Variants in NAALADL2 observed in about 807,000 individuals in gnomAD.
NAALADL2 encodes inactive N-acetylated-alpha-linked acidic dipeptidase-like protein 2.
A neutral mutation model predicts 87.2 loss-of-function variants in NAALADL2; 76 were observed. That is an observed-to-expected ratio of 0.87 (90% CI 0.72 to 1.05). The LOEUF is 1.05. Ranked by LOEUF, NAALADL2 falls within the 50% of genes least tolerant of loss-of-function variation. NAALADL2 has a pLI of 0.00. For synonymous variants in NAALADL2, 354 were observed against 331.0 expected (o/e 1.07, Z -0.75); for missense variants, 1,089 against 945.8 (o/e 1.15, Z -1.99).
chr3:175,243,834 T>C (rs1457069867), intron 3 of NAALADL2, among the ~76,000 whole-genome samples: 1 of 152,156 alleles, frequency 6.6e-6, no homozygotes, highest in Non-Finnish European at 1.5e-5. Flanking sequence ...AATGGGAAGA[T>C]AAAGTTACCT....
chr3:175,049,248 T>C (rs1381929514), intron 1 of NAALADL2, among the ~76,000 whole-genome samples: 8 of 152,134 alleles, frequency 5.3e-5, no homozygotes, highest in African/African-American at 1.9e-4. Flanking sequence ...AGCATGGATA[T>C]GCTAGACCAA....
At chr3:174,561,219 T>G (rs1277871318) in intron 2 of NAALADL2, among the ~76,000 whole-genome samples, 1 of 110,662 alleles carries the variant, frequency 9.0e-6, no homozygotes, top group East Asian at 3.3e-4. Context: ...TTTTTTTTTT[T>G]GGAAAGAGTC....
intron 1 of NAALADL2, among the ~76,000 whole-genome samples, chr3:174,458,362 A>G (rs1715988894): frequency 6.6e-6 from 1 of 152,074 alleles, no homozygotes; most frequent in African/African-American, 2.4e-5. Context: ...CTCTCTCTAA[A>G]ATGGGAATGA....
intron 1 of NAALADL2, among the ~76,000 whole-genome samples, chr3:174,949,563 A>G (rs1740010987): frequency 6.6e-6 from 1 of 152,214 alleles, no homozygotes; most frequent in African/African-American, 2.4e-5. Context: ...ATTTCACACT[A>G]CATTGACTTT....
chr3:175,365,547 T>G (rs530976254), intron 5 of NAALADL2, among the ~76,000 whole-genome samples: 1 of 147,866 alleles, frequency 6.8e-6, no homozygotes, highest in East Asian at 2.0e-4. Context: ...TTGATAAATT[T>G]ATGTAAAATT....
intron 2 of NAALADL2, among the ~76,000 whole-genome samples, chr3:175,132,002 C>CG (rs1728045121): frequency 7.8e-6 from 1 of 127,816 alleles, no homozygotes; most frequent in Non-Finnish European, 1.7e-5. Flanking sequence ...GGGGACTGAC[C>CG]CCCCCACCTC....
chr3:175,235,844 A>G (rs1436107302), intron 3 of NAALADL2: 2 of 152,214 alleles, frequency 1.3e-5, no homozygotes, highest in Non-Finnish European at 2.9e-5. Flanking sequence ...TCATGAAACT[A>G]CAACTTGTAT....
At chr3:174,660,137 T>G (rs1369944622) in intron 2 of NAALADL2, among the ~76,000 whole-genome samples, 1 of 152,204 alleles carries the variant, frequency 6.6e-6, no homozygotes, top group African/African-American at 2.4e-5. Flanking sequence ...TTTTCCAATT[T>G]TATATTCATA....
At chr3:174,496,987 CT>C in intron 1 of NAALADL2, among the ~76,000 whole-genome samples, 1 of 152,298 alleles carries the variant, frequency 6.6e-6, no homozygotes, top group Non-Finnish European at 1.5e-5. Context: ...TGTTCCATTA[CT>C]TGCTTATCAG....
chr3:175,809,820 G>A lies in NAALADL2; in HGVS notation c.*6617G>A, dbSNP rs1755031074. 1 of 151,994 alleles carries A rather than the reference G, an allele frequency of 6.6e-6. No individual in the cohort carries two copies. The highest frequency in any genetic ancestry group is 2.4e-5 in the African/African-American group (1 of 41,412). 9.4% of individuals were successfully genotyped at this position (151,994 alleles called of 1,614,324 possible). A position where few individuals can be genotyped will look rare whatever the true frequency, so the allele number is the denominator to read the frequency against. ...AATGTAGCAGCATTTAGATATGTAA[G>A]ATTTTAGAAGTAAAATCTCAGTGGT... On this transcript the variant is annotated 3_prime_UTR_variant, in exon 14 of 14. Coordinates refer to ENST00000454872, the MANE Select transcript of NAALADL2 (RefSeq NM_207015.3).
intron 9 of NAALADL2, among the ~76,000 whole-genome samples, chr3:175,534,924 C>A (rs1465777235): frequency 6.6e-6 from 1 of 152,040 alleles, no homozygotes; most frequent in African/African-American, 2.4e-5. Flanking sequence ...AAGAACATAT[C>A]CTTTAAGGGC....
intron 2 of NAALADL2, among the ~76,000 whole-genome samples, chr3:175,178,133 C>G (rs1350811): frequency 0.73 from 110,301 of 151,646 alleles, 40,652 homozygotes; most frequent in Non-Finnish European, 0.8. Flanking sequence ...TAATACAGTT[C>G]TATGTCATAA....
chr3:175,031,544 T>G (rs1311583407), intron 1 of NAALADL2, among the ~76,000 whole-genome samples: 1 of 152,146 alleles, frequency 6.6e-6, no homozygotes, highest in Non-Finnish European at 1.5e-5. Flanking sequence ...GTTGATTCCA[T>G]GTCTTTGCTA....
At chr3:174,980,394 A>G (rs1351991069) in intron 1 of NAALADL2, among the ~76,000 whole-genome samples, 2 of 152,144 alleles carry the variant, frequency 1.3e-5, no homozygotes. Flanking sequence ...CAGCTGCTGC[A>G]GAGGCTGAGC....
At chr3:175,272,226 T>C (rs1235452525) in intron 4 of NAALADL2, among the ~76,000 whole-genome samples, 1 of 152,192 alleles carries the variant, frequency 6.6e-6, no homozygotes, top group East Asian at 1.9e-4. Context: ...ATTTAACTTA[T>C]GGCAAATTCT....
At chr3:174,691,439 A>C (rs528042279) in intron 2 of NAALADL2, among the ~76,000 whole-genome samples, 186 of 151,024 alleles carry the variant, frequency 1.2e-3, no homozygotes, top group South Asian at 3.4e-3. Flanking sequence ...AAAACCCACA[A>C]AAAAAAAACT....
upstream of NAALADL2, among the ~76,000 whole-genome samples, chr3:174,858,800 A>C (rs992776368): frequency 3.3e-5 from 5 of 151,906 alleles, no homozygotes; most frequent in African/African-American, 7.3e-5. Context: ...TACATACTTC[A>C]TACATACTAG....
intron 2 of NAALADL2, among the ~76,000 whole-genome samples, chr3:174,611,850 C>T (rs1176984163): frequency 6.6e-6 from 1 of 151,890 alleles, no homozygotes; most frequent in Non-Finnish European, 1.5e-5. Context: ...CTGCTTCTGC[C>T]TCCCAAAGTG....
chr3:174,884,693 C>T (rs1026334581), intron 1 of NAALADL2, among the ~76,000 whole-genome samples: 1 of 152,156 alleles, frequency 6.6e-6, no homozygotes, highest in African/African-American at 2.4e-5. Flanking sequence ...CAGCCTAATC[C>T]AACTCCGTAT....
Sources: allele counts gnomAD v4.1 joint callset (sites outside exome capture counted in the v4.1 genomes callset), GRCh38; gene constraint gnomAD v4.1.1; transcripts MANE v1.5; gene names NCBI Gene and HGNC (gene_info 2026-07-23, HGNC 2026-07-21).